MICAL3: variants seen among roughly 807,000 people sequenced by gnomAD.
MICAL3 encodes microtubule associated monooxygenase, calponin and LIM domain containing 3.
MICAL3 carries 62 observed loss-of-function variants against 207.4 expected under a neutral mutation model. The observed-to-expected ratio is 0.30, with a 90% CI of 0.24 to 0.37. The LOEUF (loss-of-function observed/expected upper bound fraction) is 0.37, where lower values mean the gene tolerates loss of function less well. Ranked by LOEUF, MICAL3 falls within the 10% of genes least tolerant of loss-of-function variation. MICAL3 has a pLI of 1.00. For missense variants in MICAL3, 2,368 were observed against 2,635.6 expected, an observed-to-expected ratio of 0.90 and a Z score of 2.22; for synonymous variants, 1,077 against 1,069.3, an observed-to-expected ratio of 1.01 and a Z score of -0.14.
At chr22:17,944,852 C>T (rs552129957) in intron 1 of MICAL3, among the ~76,000 whole-genome samples, 12 of 152,160 alleles carry the variant, frequency 7.9e-5, no homozygotes, top group Middle Eastern at 3.4e-3. Context: ...GAGGCTGAGG[C>T]GGAGCAGGGT....
intron 1 of MICAL3, among the ~76,000 whole-genome samples, chr22:17,910,270 G>C (rs1932029888): frequency 6.6e-6 from 1 of 152,126 alleles, no homozygotes; most frequent in Admixed American, 6.5e-5. Flanking sequence ...TTCCCAAGAA[G>C]AGTTCTTACG....
At chr22:17,997,576 G>A (rs981268207) in intron 1 of MICAL3, among the ~76,000 whole-genome samples, 8 of 152,138 alleles carry the variant, frequency 5.3e-5, no homozygotes, top group African/African-American at 1.9e-4. Context: ...GCAGGCGTCA[G>A]GGCTCTCAGG....
rs547117750 is a variant in MICAL3, at chr22:17,924,069, T to C, written c.-74-17183A>G. Among the ~76,000 whole-genome samples, 114 of 152,296 alleles carry C rather than the reference T, an allele frequency of 7.5e-4. 1 individual carries two copies. Among genetic ancestry groups the C allele is most frequent in the African/African-American group, 2.6e-3 (108 of 41,560 alleles). ...AGCATCAGATCTCAAGAGAACTCAC[T>C]ATCACAAGAAAAGCATGGAGGTAAC... On this transcript the variant is annotated intron_variant, in intron 1 of 31. Transcript: ENST00000441493.
chr22:17,945,597 C>G (rs1934026855), intron 1 of MICAL3, among the ~76,000 whole-genome samples: 1 of 152,184 alleles, frequency 6.6e-6, no homozygotes, highest in Admixed American at 6.5e-5. Flanking sequence ...ATGTGGAGAG[C>G]AAGGGGTAAC....
rs746121247 is a variant in MICAL3 at position 17,834,510 on chromosome 22, G to GT, written c.2802-2404dup. 12 of 1,231,408 alleles carry GT rather than the reference G, an allele frequency of 9.7e-6. 1 individual carries two copies. The South Asian group carries it at 1.6e-4, about 16-fold the overall frequency. The allele number at this position is 1,231,408 out of a possible 1,614,324, so 76.3% of individuals were successfully genotyped here. ...GTGGGTGGATCATTTGAGCCCAGGAGTTTGAGACCATCCTGGGCAACCATG... is the reference window on the plus strand; with the variant it reads ...GTGGGTGGATCATTTGAGCCCAGGAGTTTTGAGACCATCCTGGGCAACCATG... On this transcript the variant is annotated intron_variant, in intron 20 of 31. Coordinates refer to ENST00000441493, the MANE Select transcript of MICAL3 (RefSeq NM_015241.3).
chr22:17,966,919 G>A (rs1306781889), intron 1 of MICAL3, among the ~76,000 whole-genome samples: 1 of 152,216 alleles, frequency 6.6e-6, no homozygotes, highest in Non-Finnish European at 1.5e-5. Context: ...AAAAGTAAGA[G>A]GGAATTCAAG....
chr22:17,806,940 G>A (rs991934926), intron 29 of MICAL3, among the ~76,000 whole-genome samples: 1 of 152,226 alleles, frequency 6.6e-6, no homozygotes, highest in Non-Finnish European at 1.5e-5. Context: ...CAGGGGCGTC[G>A]AAGCACTGTT....
At chr22:17,890,403 C>T (rs1437090759) in intron 12 of MICAL3, among the ~76,000 whole-genome samples, 2 of 152,156 alleles carry the variant, frequency 1.3e-5, no homozygotes, top group African/African-American at 4.8e-5. Context: ...TGGAACAGAG[C>T]TGACTCACCT....
In MICAL3 at chr22:17,817,744, G is replaced by C. The variant is rs373949621; in HGVS notation, c.4917C>G (p.Pro1639=). 6.7e-5 allele frequency: 107 copies of C among 1,589,370 alleles called. No homozygotes were observed. The East Asian group carries it at 1.4e-3, about 21-fold the overall frequency. The part of the protein sequence containing the change: ...APRPRKASSA[P]SQGKERRPDS... ...CAGGCCGGCGCTCCTTGCCCTGGGA[G>C]GGTGCTGAGGACGCCTTGCGGGGCC... Residue 1639 remains proline (P), a synonymous_variant, in exon 26 of 32, where the codon CCC becomes CCG. Transcript: ENST00000441493.
At position 17,893,880 on chromosome 22, in the gene MICAL3, C is replaced by T. The variant is rs113505363; in HGVS notation, c.1474G>A (p.Glu492Lys). 4,329 of 1,563,296 alleles carry T rather than the reference C, an allele frequency of 2.8e-3. 87 individuals carry two copies. In the African/African-American group the frequency reaches 0.046, roughly 17 times the overall value. ...SQVRHLYDTG[E>K]TKDIHLEMES... is the part of the protein sequence containing the mutation. ...ATTTCCAGGTGAATATCTTTTGTTT[C>T]GCCAGTATCATATAAATGGCGCACC... The change falls in exon 11 of 32, where the codon GAA (glutamate) becomes AAA (lysine). Residue 492 changes from glutamate (E) to lysine (K), a missense_variant. Physicochemically the swap from Glu to Lys is moderately conservative, Grantham distance 56 (BLOSUM62 1). This residue lies in a region of MICAL3 where 147 missense variants were observed against 137.7 expected (regional missense o/e 1.07). Transcript: ENST00000441493.
intron 22 of MICAL3, chr22:17,826,329 C>T (rs901736721): frequency 2.5e-6 from 1 of 397,014 alleles, no homozygotes; most frequent in African/African-American, 2.2e-5. Context: ...GCAGGTACCC[C>T]CACCCGCCTC....
At chr22:17,860,193 T>G in intron 19 of MICAL3, 1 of 979,422 alleles carries the variant, frequency 1.0e-6, no homozygotes. Flanking sequence ...TAAATAAGAA[T>G]GTAACATTTG....
chr22:17,912,390 G>A (rs2146280500), intron 1 of MICAL3, among the ~76,000 whole-genome samples: 1 of 151,394 alleles, frequency 6.6e-6, no homozygotes, highest in South Asian at 2.1e-4. Context: ...AAAAATCATT[G>A]GGATTTTGAT....
chr22:18,011,074 T>C (rs1378441609), intron 1 of MICAL3, among the ~76,000 whole-genome samples: 1 of 152,154 alleles, frequency 6.6e-6, no homozygotes, highest in Non-Finnish European at 1.5e-5. Flanking sequence ...CAGTGCTGCT[T>C]TTGGCCCTGC....
At chr22:17,808,331 G>A (rs1433742973) in intron 29 of MICAL3, among the ~76,000 whole-genome samples, 1 of 152,164 alleles carries the variant, frequency 6.6e-6, no homozygotes, top group Admixed American at 6.5e-5. Flanking sequence ...AGCAGACACA[G>A]GGCCTGGGTG....
At chr22:17,861,402 C>T in intron 19 of MICAL3, 1 of 985,454 alleles carries the variant, frequency 1.0e-6, no homozygotes, top group Non-Finnish European at 1.2e-6. Context: ...GTGCTTCTCC[C>T]CGTCCATCTC....
At chr22:17,809,411 G>A (rs139785772) in intron 28 of MICAL3, among the ~76,000 whole-genome samples, 8 of 152,294 alleles carry the variant, frequency 5.3e-5, no homozygotes, top group East Asian at 1.9e-4. Flanking sequence ...TGAGGTGGGC[G>A]GATCACAAGG....
chr22:17,974,179 G>A (rs1935534998), intron 1 of MICAL3, among the ~76,000 whole-genome samples: 1 of 152,150 alleles, frequency 6.6e-6, no homozygotes, highest in Admixed American at 6.5e-5. Flanking sequence ...GCAAAGCCCA[G>A]CTCCCTAGGG....
At chr22:17,934,057 G>C (rs1602245868) in intron 1 of MICAL3, among the ~76,000 whole-genome samples, 3 of 152,268 alleles carry the variant, frequency 2.0e-5, no homozygotes, top group African/African-American at 4.8e-5. Flanking sequence ...AAGAGGAACT[G>C]GTACCATTCC....
Sources: gnomAD v4.1 joint callset for allele counts (sites outside exome capture counted in the v4.1 genomes callset) on GRCh38, gnomAD v4.1.1 for gene constraint, gnomAD v4.1.1 regional missense constraint, MANE v1.5 for transcripts, NCBI Gene and HGNC (gene_info 2026-07-23, HGNC 2026-07-21) for gene names.